Variants in NELL1 observed in about 807,000 individuals in gnomAD.
NELL1 encodes protein kinase C-binding protein NELL1.
Under a neutral mutation model 107.4 loss-of-function variants are expected in NELL1, and 76 were observed. That is an observed-to-expected ratio of 0.71 (90% CI 0.59 to 0.86). The LOEUF (loss-of-function observed/expected upper bound fraction) is 0.86. NELL1 is among the 40% of genes least tolerant of loss of function. NELL1 has a pLI of 0.00. For synonymous variants in NELL1, 353 were observed against 341.2 expected (o/e 1.03, Z -0.38); for missense variants, 1,024 against 1,005.5 (o/e 1.02, Z -0.25).
chr11:20,672,326 A>T (rs1853934085), intron 1 of NELL1, among the ~76,000 whole-genome samples: 1 of 152,222 alleles, frequency 6.6e-6, no homozygotes. Context: ...CTGGGCTGTT[A>T]ACAGTCCTAG....
chr11:21,221,248 A>G (rs995372651), intron 13 of NELL1, among the ~76,000 whole-genome samples: 2 of 152,190 alleles, frequency 1.3e-5, no homozygotes, highest in Non-Finnish European at 2.9e-5. Context: ...ATCATGGTGT[A>G]TAATCTTTGT....
chr11:21,557,090 C>G (rs1856733372), intron 16 of NELL1, among the ~76,000 whole-genome samples: 1 of 151,924 alleles, frequency 6.6e-6, no homozygotes, highest in South Asian at 2.1e-4. Context: ...TTGTGCAGAG[C>G]AAACAGGTCT....
At chr11:20,821,834 T>C (rs1857761210) in intron 3 of NELL1, among the ~76,000 whole-genome samples, 2 of 152,210 alleles carry the variant, frequency 1.3e-5, no homozygotes, top group African/African-American at 4.8e-5. Flanking sequence ...TTCTCTCTTG[T>C]TCATTTGTAT....
chr11:20,944,920 AT>A (rs1423249193), intron 10 of NELL1, among the ~76,000 whole-genome samples: 1 of 152,224 alleles, frequency 6.6e-6, no homozygotes, highest in Admixed American at 6.5e-5. Flanking sequence ...GTGAATGATT[AT>A]TTTTAAAAAA....
intron 13 of NELL1, among the ~76,000 whole-genome samples, chr11:21,118,335 G>A (rs895643796): frequency 6.6e-5 from 10 of 151,988 alleles, no homozygotes; most frequent in African/African-American, 2.4e-4. Context: ...AGAGCCTCTA[G>A]GCCAGATTCA....
chr11:21,358,714 G>T (rs1445061573), intron 14 of NELL1, among the ~76,000 whole-genome samples: 6 of 141,544 alleles, frequency 4.2e-5, no homozygotes, highest in Non-Finnish European at 7.9e-5. Context: ...ACCGTGCCCG[G>T]CCTTTTTGTT....
chr11:21,359,966 ATTTC>A (rs1378247416), intron 14 of NELL1, among the ~76,000 whole-genome samples: 8 of 150,910 alleles, frequency 5.3e-5, no homozygotes, highest in Admixed American at 5.3e-4. Flanking sequence ...TTTTGTATTG[ATTTC>A]TTTGTTTCAA....
In NELL1 at chr11:21,473,243, T is replaced by G. The variant is rs899501859; in HGVS notation, c.1646-61131T>G. On this transcript the variant is annotated intron_variant, in intron 15 of 19. Transcript: ENST00000357134. ...AGAAGAATGCAGAGGCAAATAAAGA[T>G]GAGAAATCTTGTGTTTCTGTCATTT... 2.6e-5 allele frequency among the ~76,000 whole-genome samples: 4 copies of G among 152,116 alleles called. No homozygotes were observed. The East Asian group carries it at 7.7e-4, about 29-fold the overall frequency.
chr11:21,527,056 G>T (rs1855873672), intron 15 of NELL1, among the ~76,000 whole-genome samples: 1 of 152,142 alleles, frequency 6.6e-6, no homozygotes, highest in South Asian at 2.1e-4. Context: ...AAACTTTTAT[G>T]CTCTGCTTCC....
chr11:20,855,676 T>G (rs959599148), intron 4 of NELL1, among the ~76,000 whole-genome samples: 1 of 152,186 alleles, frequency 6.6e-6, no homozygotes, highest in African/African-American at 2.4e-5. Context: ...CTATTTTTGA[T>G]GGATATGCAT....
intron 2 of NELL1, among the ~76,000 whole-genome samples, chr11:20,730,910 A>C (rs1287370689): frequency 6.6e-6 from 1 of 152,220 alleles, no homozygotes; most frequent in Non-Finnish European, 1.5e-5. Flanking sequence ...TTACATTTTC[A>C]AAGCAGCCAG....
intron 12 of NELL1, among the ~76,000 whole-genome samples, chr11:21,006,029 C>T (rs867741700): frequency 2.3e-4 from 34 of 150,586 alleles, no homozygotes; most frequent in African/African-American, 7.9e-4. Context: ...TTGATAATTT[C>T]ATAGATTTGG....
chr11:21,403,743 GA>G (rs75645381), intron 15 of NELL1, among the ~76,000 whole-genome samples: 37,119 of 151,344 alleles, frequency 0.25, 4,772 homozygotes, highest in East Asian at 0.39. Flanking sequence ...AATGTTATCA[GA>G]AAAAAAAGGA....
chr11:20,793,827 C>T (rs1029882697), intron 3 of NELL1, among the ~76,000 whole-genome samples: 12 of 135,540 alleles, frequency 8.9e-5, no homozygotes, highest in African/African-American at 3.0e-4. Flanking sequence ...AAAATATGTG[C>T]GTCAGATTTT....
intron 13 of NELL1, among the ~76,000 whole-genome samples, chr11:21,219,475 A>G (rs1300928393): frequency 2.0e-5 from 3 of 152,146 alleles, no homozygotes; most frequent in Non-Finnish European, 4.4e-5. Context: ...GAAGCACTTT[A>G]GTTTAATATA....
At chr11:20,790,828 C>T (rs996813042) in intron 3 of NELL1, among the ~76,000 whole-genome samples, 13 of 152,228 alleles carry the variant, frequency 8.5e-5, no homozygotes, top group African/African-American at 4.8e-5. Flanking sequence ...TCAAGGCTCC[C>T]AGTGGCTCCA....
intron 17 of NELL1, 85 bp from the exon 18 acceptor site, chr11:21,570,679 A>G: frequency 1.4e-6 from 2 of 1,398,864 alleles, no homozygotes; most frequent in East Asian, 2.3e-5. Context: ...GGGGGTGACC[A>G]AACATCCAAG....
chr11:20,897,871 C>T (rs1022828552), intron 5 of NELL1, among the ~76,000 whole-genome samples: 3 of 152,118 alleles, frequency 2.0e-5, no homozygotes, highest in Non-Finnish European at 4.4e-5. Context: ...CAATGAGATA[C>T]CATCTCACAC....
At chr11:20,949,582 C>A (rs957118585) in intron 11 of NELL1, among the ~76,000 whole-genome samples, 1 of 152,124 alleles carries the variant, frequency 6.6e-6, no homozygotes, top group Non-Finnish European at 1.5e-5. Context: ...TTCATTAGAG[C>A]AGAATCATTA....
Sources: gnomAD v4.1 joint callset for allele counts (sites outside exome capture counted in the v4.1 genomes callset) on GRCh38, gnomAD v4.1.1 for gene constraint, MANE v1.5 for transcripts, NCBI Gene and HGNC (gene_info 2026-07-23, HGNC 2026-07-21) for gene names.